YBX1: variants seen among roughly 807,000 people sequenced by gnomAD.
YBX1 encodes Y-box binding protein 1.
YBX1 carries 3 observed loss-of-function variants against 41.4 expected under a neutral mutation model. That is an observed-to-expected ratio of 0.07 (90% CI 0.03 to 0.19). The LOEUF is 0.19. YBX1 is among the 10% of genes least tolerant of loss of function. The pLI is 1.00. For missense variants in YBX1, 274 were observed against 462.8 expected, an observed-to-expected ratio of 0.59 and a Z score of 3.74; for synonymous variants, 133 against 165.8, an observed-to-expected ratio of 0.80 and a Z score of 1.52.
At chr1:42,701,466 A>T (rs576820194) in intron 7 of YBX1, among the ~76,000 whole-genome samples, 2 of 152,284 alleles carry the variant, frequency 1.3e-5, no homozygotes, top group Non-Finnish European at 2.9e-5. Context: ...CTAGATGGTG[A>T]CAAATAGAGT....
Position 42,696,236 on chromosome 1 carries a change from G to A in YBX1, c.302G>A (p.Arg101His). 6.2e-7 allele frequency: 1 copy of A among 1,612,906 alleles called. No homozygotes were observed. Among genetic ancestry groups the A allele is most frequent in the Non-Finnish European group, 8.5e-7 (1 of 1,179,246 alleles). The change falls in exon 4 of 8, where the codon CGC becomes CAC. Residue 101 changes from arginine to histidine, a missense_variant. By Grantham distance (29) the Arg-to-His change is conservative. This residue lies in a region of YBX1 where 3 missense variants were observed against 25.7 expected (regional missense o/e 0.12). Transcript: ENST00000321358. This position sits in a 1 kb window ranked among gnomAD's most constrained non-coding sequence, Gnocchi z 5.7. ...IKKNNPRKYL[R>H]SVGDGETVEF... Reference sequence around the variant, plus strand: ...AAGAATAACCCCAGGAAGTACCTTCGCAGTGTAGGAGATGGAGAGACTGTG... The same window carrying A: ...AAGAATAACCCCAGGAAGTACCTTCACAGTGTAGGAGATGGAGAGACTGTG...
chr1:42,683,550 A>C, intron 2 of YBX1, 84 bp downstream of exon 2: 1 of 1,474,352 alleles, frequency 6.8e-7, no homozygotes, highest in South Asian at 1.1e-5. Flanking sequence ...GGGAAGCCCC[A>C]ATCCACAGCT....
chr1:42,699,621 T>G (rs58294236), intron 6 of YBX1, among the ~76,000 whole-genome samples: 25,875 of 90,488 alleles, frequency 0.29, 2,290 homozygotes, highest in African/African-American at 0.32. Flanking sequence ...GAGGGTTGTT[T>G]TTTTTTTTTT....
intron 2 of YBX1, among the ~76,000 whole-genome samples, chr1:42,692,937 G>A (rs565401637): frequency 6.6e-6 from 1 of 152,196 alleles, no homozygotes; most frequent in Non-Finnish European, 1.5e-5. Context: ...TGGACTTGTG[G>A]AGTAGCTTTT....
intron 6 of YBX1, among the ~76,000 whole-genome samples, chr1:42,698,092 AAG>A (rs1650505006): frequency 1.3e-5 from 2 of 152,322 alleles, no homozygotes; most frequent in Admixed American, 1.3e-4. Flanking sequence ...TTTAAGTGTC[AAG>A]TTTATTATTC....
At chr1:42,692,345 A>C (rs1650361123) in intron 2 of YBX1, among the ~76,000 whole-genome samples, 1 of 152,304 alleles carries the variant, frequency 6.6e-6, no homozygotes, top group Admixed American at 6.5e-5. Flanking sequence ...GGACAGATGG[A>C]CATTAGGTAC....
chr1:42,683,508 T>C, intron 2 of YBX1, 42 bp downstream of exon 2: 2 of 1,610,902 alleles, frequency 1.2e-6, no homozygotes, highest in Middle Eastern at 2.2e-4. Context: ...ACCTTCTTGC[T>C]TGCTTCCTGC....
At position 42,696,487 on chromosome 1, in the gene YBX1, G is replaced by A. The variant is rs1473827596; in HGVS notation, c.355-155G>A. ...GAGGAACTGATATTTAGTCATTTCT[G>A]TGCACCCCTGGTCACGCAGTTGCGC... On this transcript the variant is annotated intron_variant, in intron 4 of 7. Transcript: ENST00000321358. This position sits in a 1 kb window ranked among gnomAD's most constrained non-coding sequence, Gnocchi z 5.7. 6.8e-6 allele frequency among the ~76,000 whole-genome samples: 1 copy of A among 147,868 alleles called. No individual in the cohort carries two copies. The highest frequency in any genetic ancestry group is 1.5e-5 in the Non-Finnish European group (1 of 67,418).
At chr1:42,701,239 C>T (rs11809002) in intron 7 of YBX1, among the ~76,000 whole-genome samples, 193 bp downstream of exon 7, 7,777 of 152,114 alleles carry the variant, frequency 0.051, 300 homozygotes, top group African/African-American at 0.098. Context: ...CATATTTGGC[C>T]ACCCTTCAGC....
intron 6 of YBX1, among the ~76,000 whole-genome samples, chr1:42,699,569 T>G (rs1650543478): frequency 6.6e-6 from 1 of 151,706 alleles, no homozygotes; most frequent in Non-Finnish European, 1.5e-5. Context: ...TGATTAGTGG[T>G]AGACTTTATA....
Position 42,697,355 on chromosome 1 carries a change from T to A in YBX1, c.740+93T>A, listed in dbSNP as rs1650487337. 2.4e-6 allele frequency: 3 copies of A among 1,234,598 alleles called. No individual in the cohort carries two copies. In the Admixed American group the frequency reaches 7.4e-5, roughly 30 times the overall value. 76.5% of individuals were successfully genotyped at this position (1,234,598 alleles called of 1,614,324 possible). A position where few individuals can be genotyped will look rare whatever the true frequency, so the allele number is the denominator to read the frequency against. On this transcript the variant is annotated intron_variant, in intron 6 of 7. Coordinates refer to ENST00000321358, the MANE Select transcript of YBX1 (RefSeq NM_004559.5). ...TGCCTCTCCTGCAGACTCATTTTTC[T>A]GTTAACACTTCACGTTTTCTTTCAT...
At chr1:42,698,131 T>C (rs1328112943) in intron 6 of YBX1, among the ~76,000 whole-genome samples, 2 of 152,248 alleles carry the variant, frequency 1.3e-5, no homozygotes, top group Admixed American at 1.3e-4. Flanking sequence ...ATCCAAAATA[T>C]ACTGTGAGTC....
chr1:42,703,568 G>T lies in YBX1; in HGVS notation c.*1619G>T, dbSNP rs1015699811. ...CTGGTGTTCATGAAAATACTGTGTTGGCAAGAGTGCAGTGGACCTGAAACT... is the reference window on the plus strand; with the variant it reads ...CTGGTGTTCATGAAAATACTGTGTTTGCAAGAGTGCAGTGGACCTGAAACT... On this transcript the variant is annotated 3_prime_UTR_variant, in exon 8 of 8. Transcript: ENST00000321358. Among the ~76,000 whole-genome samples, 8 of 152,096 alleles carry T rather than the reference G, an allele frequency of 5.3e-5. No individual in the cohort carries two copies. Among genetic ancestry groups the T allele is most frequent in the African/African-American group, 1.4e-4 (6 of 41,422 alleles).
intron 2 of YBX1, among the ~76,000 whole-genome samples, chr1:42,692,334 T>C (rs997508593): frequency 9.2e-5 from 14 of 152,354 alleles, no homozygotes; most frequent in East Asian, 3.9e-4. Context: ...TATGGAGTTA[T>C]GGACAGATGG....
chr1:42,693,114 GTAAC>G (rs1220301398), intron 2 of YBX1, among the ~76,000 whole-genome samples: 1 of 152,160 alleles, frequency 6.6e-6, no homozygotes, highest in Non-Finnish European at 1.5e-5. Flanking sequence ...AGGTGAGAAT[GTAAC>G]TACTACTTCT....
chr1:42,682,619 C>G lies in YBX1; in HGVS notation c.54C>G (p.Pro18=), dbSNP rs762104506. The G allele has an allele frequency of 2.0e-5, 28 of 1,425,238 alleles. No individual in the cohort carries two copies. In the South Asian group the frequency reaches 3.9e-4, roughly 20 times the overall value. 88.3% of individuals were successfully genotyped at this position (1,425,238 alleles called of 1,614,324 possible). Residue 18 remains proline (P), a synonymous_variant, in exon 1 of 8, where the codon CCC becomes CCG. Transcript: ENST00000321358. The stretch of plus-strand genomic sequence containing the variant: ...CGCCCGCCGCCCCCCCCGCCGCCCC[C>G]GCCCTCAGCGCCGCCGACACCAAGC... ...QQPPAAPPAA[P]ALSAADTKPG...
chr1:42,697,090 T>C, intron 5 of YBX1, 90 bp from the exon 6 acceptor site: 1 of 1,506,632 alleles, frequency 6.6e-7, no homozygotes, highest in Non-Finnish European at 8.9e-7. Flanking sequence ...ATGGTCTGTT[T>C]TGTTTGTTTT....
At chr1:42,687,019 T>G (rs906281554) in intron 2 of YBX1, among the ~76,000 whole-genome samples, 2 of 152,224 alleles carry the variant, frequency 1.3e-5, no homozygotes, top group Non-Finnish European at 2.9e-5. Flanking sequence ...GACTCTTAAA[T>G]GATCCAAGTA....
chr1:42,697,035 G>A (rs758417258), intron 5 of YBX1, 91 bp downstream of exon 5: 2 of 1,458,332 alleles, frequency 1.4e-6, no homozygotes, highest in Non-Finnish European at 1.8e-6. Flanking sequence ...TGGATTCCTA[G>A]TAAGAACCAA....
Sources: gnomAD v4.1 joint callset for allele counts (sites outside exome capture counted in the v4.1 genomes callset) on GRCh38, gnomAD v4.1.1 for gene constraint, gnomAD v4.1.1 regional missense constraint, Gnocchi (gnomAD v3.1) non-coding constraint, MANE v1.5 for transcripts, NCBI Gene and HGNC (gene_info 2026-07-23, HGNC 2026-07-21) for gene names.